The following IL1RAPL1 variants were observed in gnomAD, a reference collection of about 807,000 sequenced individuals.
The protein encoded by IL1RAPL1 is interleukin-1 receptor accessory protein-like 1.
In IL1RAPL1, 3 loss-of-function variants were observed where a neutral mutation model predicts 48.4. The ratio of observed to expected loss-of-function variants is 0.06; its 90% CI spans 0.03 to 0.16. The LOEUF is 0.16. IL1RAPL1 is among the 10% of genes least tolerant of loss of function. IL1RAPL1 has a pLI of 1.00. For synonymous variants in IL1RAPL1, 185 were observed against 187.7 expected, an observed-to-expected ratio of 0.99 and a Z score of 0.12; for missense variants, 349 against 530.6, an observed-to-expected ratio of 0.66 and a Z score of 3.36.
chrX:29,182,261 G>T (rs1930159554), intron 2 of IL1RAPL1, among the ~76,000 whole-genome samples: 1 of 111,643 alleles, frequency 9.0e-6, no homozygotes, highest in South Asian at 3.7e-4. Flanking sequence ...ACTGAATCTG[G>T]CACTCTGCTT....
At position 28,972,679 on chromosome X, in the gene IL1RAPL1, G is replaced by C. The variant is rs192949829; in HGVS notation, c.82+183254G>C. 2.8e-3 allele frequency among the ~76,000 whole-genome samples: 314 copies of C among 111,308 alleles called. 1 individual carries two copies. The highest frequency in any genetic ancestry group is 4.9e-3 in the Non-Finnish European group (262 of 52,975). On this transcript the variant is annotated intron_variant, in intron 2 of 10. Coordinates refer to ENST00000378993, the MANE Select transcript of IL1RAPL1 (RefSeq NM_014271.4). Reference sequence around the variant, plus strand: ...GCGTGAACCTAGGAGGCGGAGCTTGGAGTGAGCCGAGATCGTGCCACTGCC... The same window carrying C: ...GCGTGAACCTAGGAGGCGGAGCTTGCAGTGAGCCGAGATCGTGCCACTGCC...
At chrX:28,766,217 G>A (rs1456760964) in intron 1 of IL1RAPL1, among the ~76,000 whole-genome samples, 1 of 110,760 alleles carries the variant, frequency 9.0e-6, no homozygotes, top group Non-Finnish European at 1.9e-5. Context: ...AGAGAAAAGG[G>A]ATTTGGAGAG....
chrX:29,903,589 G>T (rs900281058), intron 6 of IL1RAPL1, among the ~76,000 whole-genome samples: 22 of 111,303 alleles, frequency 2.0e-4, no homozygotes, highest in African/African-American at 7.2e-4. Context: ...GAGAGACTCT[G>T]ATCTCATAGT....
intron 2 of IL1RAPL1, among the ~76,000 whole-genome samples, chrX:28,888,502 T>TAA (rs1922697474): frequency 9.0e-6 from 1 of 111,282 alleles, no homozygotes; most frequent in Non-Finnish European, 1.9e-5. Context: ...TGAAAGCCAA[T>TAA]GAACATTAAA....
At chrX:29,285,487 G>A (rs1173115497) in intron 3 of IL1RAPL1, among the ~76,000 whole-genome samples, 8 of 82,037 alleles carry the variant, frequency 9.8e-5, no homozygotes, top group African/African-American at 3.0e-4. Context: ...AGCCGAGATC[G>A]CGCCATTGCA....
chrX:28,771,904 G>C (rs1421061877), intron 1 of IL1RAPL1, among the ~76,000 whole-genome samples: 1 of 85,404 alleles, frequency 1.2e-5, no homozygotes, highest in African/African-American at 4.8e-5. Flanking sequence ...GCAGTCCGCA[G>C]TCCGGCCTGG....
chrX:28,647,215 T>C (rs777031677), intron 1 of IL1RAPL1, among the ~76,000 whole-genome samples: 65 of 112,286 alleles, frequency 5.8e-4, no homozygotes, highest in Non-Finnish European at 1.5e-4. Context: ...CTAGATAACA[T>C]TTATTTTTCT....
At chrX:29,812,701 C>T (rs930683257) in intron 6 of IL1RAPL1, among the ~76,000 whole-genome samples, 1 of 111,675 alleles carries the variant, frequency 9.0e-6, no homozygotes, top group Non-Finnish European at 1.9e-5. Context: ...ATACCTTCCT[C>T]TCTGTGAGTT....
At chrX:29,055,993 G>A (rs892049455) in intron 2 of IL1RAPL1, among the ~76,000 whole-genome samples, 25 of 112,038 alleles carry the variant, frequency 2.2e-4, no homozygotes, top group African/African-American at 6.5e-5. Flanking sequence ...TTTAGTTCAC[G>A]TAAATAAGAA....
At chrX:29,098,365 T>G (rs1490439607) in intron 2 of IL1RAPL1, among the ~76,000 whole-genome samples, 2 of 112,149 alleles carry the variant, frequency 1.8e-5, no homozygotes, top group Non-Finnish European at 3.8e-5. Flanking sequence ...TTGCTGTAGT[T>G]TAAACACATA....
At chrX:29,112,243 A>G (rs1602062006) in intron 2 of IL1RAPL1, among the ~76,000 whole-genome samples, 1 of 111,696 alleles carries the variant, frequency 9.0e-6, no homozygotes, top group South Asian at 3.7e-4. Flanking sequence ...CACTTTATTA[A>G]TAGTATAATT....
At chrX:29,528,122 C>A (rs2147776677) in intron 5 of IL1RAPL1, among the ~76,000 whole-genome samples, 1 of 112,299 alleles carries the variant, frequency 8.9e-6, no homozygotes, top group East Asian at 2.8e-4. Flanking sequence ...CATATGCAAT[C>A]CCACTTTGAC....
At chrX:29,383,192 G>A (rs778529126) in intron 3 of IL1RAPL1, among the ~76,000 whole-genome samples, 2 of 111,847 alleles carry the variant, frequency 1.8e-5, no homozygotes, top group South Asian at 7.4e-4. Context: ...GTAGCAGTTT[G>A]CCCATTACAA....
At position 29,721,535 on chromosome X, in the gene IL1RAPL1, A is replaced by G. The variant is rs143775365; in HGVS notation, c.778+53031A>G. 1.6e-3 allele frequency among the ~76,000 whole-genome samples: 180 copies of G among 112,049 alleles called. 2 individuals are homozygous for G. Among genetic ancestry groups the G allele is most frequent in the African/African-American group, 5.6e-3 (172 of 30,855 alleles). ...TTCAAAAAACTTGATAAGCTACCAGAAATGTTCAATTAAGGAACAAAAAGA... is the reference window on the plus strand; with the variant it reads ...TTCAAAAAACTTGATAAGCTACCAGGAATGTTCAATTAAGGAACAAAAAGA... On this transcript the variant is annotated intron_variant, in intron 6 of 10. Coordinates refer to ENST00000378993, the MANE Select transcript of IL1RAPL1 (RefSeq NM_014271.4).
chrX:29,292,707 A>G (rs1932389403), intron 3 of IL1RAPL1, among the ~76,000 whole-genome samples: 1 of 111,203 alleles, frequency 9.0e-6, no homozygotes, highest in South Asian at 3.7e-4. Flanking sequence ...CCAAGGATCT[A>G]GTGTAGTTTC....
chrX:29,614,113 G>C (rs1924200036), intron 5 of IL1RAPL1, among the ~76,000 whole-genome samples: 1 of 111,248 alleles, frequency 9.0e-6, no homozygotes, highest in South Asian at 3.8e-4. Flanking sequence ...ACACTTACTT[G>C]TCCTCTGGTA....
intron 2 of IL1RAPL1, among the ~76,000 whole-genome samples, chrX:29,010,539 A>G (rs960254159): frequency 1.8e-5 from 2 of 112,120 alleles, no homozygotes; most frequent in African/African-American, 6.5e-5. Flanking sequence ...ATACATTCAT[A>G]TTTTTAAAGT....
rs1184576439 is a variant in IL1RAPL1 at position 29,084,688 on chromosome X, C to G, written c.83-198250C>G. 4.5e-5 allele frequency among the ~76,000 whole-genome samples: 5 copies of G among 112,014 alleles called. No homozygotes were observed. In the Admixed American group the frequency reaches 4.7e-4, roughly 11 times the overall value. ...ATTATTTGGTATTCCAAAAAAAGTA[C>G]GTGATCATTTATTCTTTTCTTTGAC... On this transcript the variant is annotated intron_variant, in intron 2 of 10. Coordinates refer to ENST00000378993, the MANE Select transcript of IL1RAPL1 (RefSeq NM_014271.4).
chrX:28,759,825 T>TA (rs1850230658), intron 1 of IL1RAPL1, among the ~76,000 whole-genome samples: 2 of 111,400 alleles, frequency 1.8e-5, no homozygotes, highest in African/African-American at 6.5e-5. Flanking sequence ...GAACCACTGC[T>TA]AAATCTTGGT....
Sources: gnomAD v4.1 joint callset for allele counts (sites outside exome capture counted in the v4.1 genomes callset) on GRCh38, gnomAD v4.1.1 for gene constraint, MANE v1.5 for transcripts, NCBI Gene and HGNC (gene_info 2026-07-23, HGNC 2026-07-21) for gene names.